The following DIAPH2 variants were observed in gnomAD, a reference collection of about 807,000 sequenced individuals.
DIAPH2 encodes protein diaphanous homolog 2.
In DIAPH2, 35 loss-of-function variants were observed where a neutral mutation model predicts 92.7. The observed-to-expected ratio is 0.38, with a 90% CI of 0.29 to 0.50. The LOEUF (loss-of-function observed/expected upper bound fraction) is 0.50, where lower values mean the gene tolerates loss of function less well. Among genes scored for constraint, DIAPH2 ranks in the 20% least tolerant of loss-of-function variants. The probability of loss-of-function intolerance (pLI) is 0.94; values close to 1 mark genes in which losing one functional copy is unlikely to be tolerated. For missense variants in DIAPH2, 701 were observed against 819.5 expected (o/e 0.86, Z 1.77); for synonymous variants, 301 against 280.4 (o/e 1.07, Z -0.73).
chrX:97,100,024 CAG>C (rs902367250), intron 20 of DIAPH2, among the ~76,000 whole-genome samples: 1 of 111,153 alleles, frequency 9.0e-6, no homozygotes, highest in Non-Finnish European at 1.9e-5. Context: ...CAAAATATCT[CAG>C]GGGATCTTTT....
chrX:97,413,975 G>A (rs186476954), intron 25 of DIAPH2, among the ~76,000 whole-genome samples: 2 of 112,030 alleles, frequency 1.8e-5, no homozygotes, highest in South Asian at 7.5e-4. Context: ...TGGCCATACT[G>A]CCCAAGGTAA....
intron 22 of DIAPH2, among the ~76,000 whole-genome samples, chrX:97,147,865 A>T (rs775351065): frequency 8.9e-6 from 1 of 111,810 alleles, no homozygotes; most frequent in Non-Finnish European, 1.9e-5. Flanking sequence ...ATCCACTCTG[A>T]CTTTTTCACG....
At chrX:96,913,099 A>C (rs1378152965) in intron 7 of DIAPH2, among the ~76,000 whole-genome samples, 4 of 110,561 alleles carry the variant, frequency 3.6e-5, no homozygotes, top group Non-Finnish European at 7.6e-5. Flanking sequence ...TGTTTCTTCT[A>C]TTCAAATATA....
chrX:96,832,338 A>G (rs942238888), intron 4 of DIAPH2, among the ~76,000 whole-genome samples: 2 of 111,935 alleles, frequency 1.8e-5, no homozygotes, highest in Non-Finnish European at 3.8e-5. Flanking sequence ...ACTTTGACAA[A>G]GTGCTATTGC....
intron 3 of DIAPH2, among the ~76,000 whole-genome samples, chrX:96,754,292 C>G (rs781496666): frequency 3.9e-4 from 44 of 111,836 alleles, no homozygotes; most frequent in Non-Finnish European, 6.6e-4. Context: ...TTATTTGTTA[C>G]TACTGGACCA....
chrX:97,364,889 C>A (rs1265515652), intron 24 of DIAPH2, among the ~76,000 whole-genome samples: 1 of 108,160 alleles, frequency 9.2e-6, no homozygotes, highest in African/African-American at 3.4e-5. Context: ...CCTACACTTT[C>A]CTGAGTTGTG....
At chrX:96,998,291 G>A (rs900124704) in intron 17 of DIAPH2, among the ~76,000 whole-genome samples, 27 of 110,831 alleles carry the variant, frequency 2.4e-4, no homozygotes, top group Non-Finnish European at 3.6e-4. Context: ...CACAAAATAA[G>A]GAGAAAAAAT....
At chrX:97,377,425 T>A (rs1396372357) in intron 24 of DIAPH2, among the ~76,000 whole-genome samples, 1 of 112,183 alleles carries the variant, frequency 8.9e-6, no homozygotes, top group Non-Finnish European at 1.9e-5. Context: ...TAATGTGTTG[T>A]GCTCTGACAT....
chrX:96,997,733 G>A (rs1176927763), intron 17 of DIAPH2, among the ~76,000 whole-genome samples: 2 of 111,556 alleles, frequency 1.8e-5, no homozygotes, highest in Non-Finnish European at 3.8e-5. Context: ...AGGCAGGACT[G>A]TATTCATACC....
intron 4 of DIAPH2, among the ~76,000 whole-genome samples, chrX:96,808,419 C>A (rs752703203): frequency 2.1e-4 from 23 of 111,509 alleles, no homozygotes; most frequent in Non-Finnish European, 3.8e-4. Flanking sequence ...AATTTTTGTG[C>A]ATTCTTTCTC....
At chrX:97,404,235 T>C (rs2069786869) in intron 25 of DIAPH2, among the ~76,000 whole-genome samples, 1 of 112,115 alleles carries the variant, frequency 8.9e-6, no homozygotes, top group African/African-American at 3.2e-5. Flanking sequence ...TATTCTTGAA[T>C]GTAATCATTA....
chrX:96,804,299 T>C (rs755350885), intron 4 of DIAPH2, among the ~76,000 whole-genome samples: 2 of 111,742 alleles, frequency 1.8e-5, no homozygotes, highest in South Asian at 7.5e-4. Context: ...TTTTATCTCA[T>C]TTTCTCAAAT....
At chrX:97,294,300 A>G (rs2068625160) in intron 23 of DIAPH2, among the ~76,000 whole-genome samples, 1 of 112,081 alleles carries the variant, frequency 8.9e-6, no homozygotes, top group African/African-American at 3.2e-5. Flanking sequence ...TATAAAGATA[A>G]CATCCTTATT....
intron 4 of DIAPH2, among the ~76,000 whole-genome samples, chrX:96,819,179 C>T (rs2064761464): frequency 8.9e-6 from 1 of 112,007 alleles, no homozygotes. Context: ...GGACAGTGTG[C>T]ACTGTTATTG....
intron 25 of DIAPH2, among the ~76,000 whole-genome samples, chrX:97,408,019 G>T (rs1340146769): frequency 9.0e-6 from 1 of 111,654 alleles, no homozygotes; most frequent in Non-Finnish European, 1.9e-5. Context: ...ACCACATGAT[G>T]TTCAGAAATT....
In DIAPH2 at chrX:97,185,329, A is replaced by ATATATATATATATATATATATATG. The variant is rs2067574484; in HGVS notation, c.2719+43546_2719+43547insATATATATATATGTATATATATAT. Among the ~76,000 whole-genome samples the ATATATATATATATATATATATATG allele has an allele frequency of 1.1e-3, 10 of 9,402 alleles. 1 individual carries two copies. The highest frequency in any genetic ancestry group is 4.1e-3 in the Admixed American group (2 of 490). 8.2% of individuals were successfully genotyped at this position (9,402 alleles called of 115,157 possible). ...AAAATATATATATATATATATGTGT[A>ATATATATATATATATATATATATG]TATATATATATGTATATATATATGT... On this transcript the variant is annotated intron_variant, in intron 22 of 26. Transcript: ENST00000324765.
In DIAPH2 at chrX:97,066,130, A is replaced by G. The variant is rs189080051; in HGVS notation, c.2051-6811A>G. Among the ~76,000 whole-genome samples, 16 of 112,035 alleles carry G rather than the reference A, an allele frequency of 1.4e-4. No individual in the cohort carries two copies. The East Asian group carries it at 3.9e-3, about 27-fold the overall frequency. ...TTGGTGTAGCCTATGTGTACAGCCT[A>G]TGTCTATAGTGGTGTACAGTAATGT... is the stretch of plus-strand genomic sequence containing the variant. On this transcript the variant is annotated intron_variant, in intron 17 of 26. Coordinates refer to ENST00000324765, the MANE Select transcript of DIAPH2 (RefSeq NM_006729.5).
At chrX:96,955,825 G>A (rs2065807049) in intron 15 of DIAPH2, among the ~76,000 whole-genome samples, 1 of 112,830 alleles carries the variant, frequency 8.9e-6, no homozygotes, top group Non-Finnish European at 1.9e-5. Flanking sequence ...CTTTGCCCCT[G>A]TGGCTTTGCA....
At chrX:97,361,713 G>A (rs1188528432) in intron 24 of DIAPH2, among the ~76,000 whole-genome samples, 1 of 111,945 alleles carries the variant, frequency 8.9e-6, no homozygotes, top group Non-Finnish European at 1.9e-5. Context: ...TTGCACAATG[G>A]CTGTAGTTGT....
Sources: allele counts gnomAD v4.1 joint callset (sites outside exome capture counted in the v4.1 genomes callset), GRCh38; gene constraint gnomAD v4.1.1; transcripts MANE v1.5; gene names NCBI Gene and HGNC (gene_info 2026-07-23, HGNC 2026-07-21).